Variants in WDR46 observed in about 807,000 individuals in gnomAD.
The protein encoded by WDR46 is WD repeat domain 46, also known as WD repeat-containing protein 46.
In WDR46, 58 loss-of-function variants were observed where a neutral mutation model predicts 74.7. The observed-to-expected ratio is 0.78, with a 90% CI of 0.63 to 0.97. The LOEUF is 0.97. Ranked by LOEUF, WDR46 falls within the 50% of genes least tolerant of loss-of-function variation. The pLI is 0.00. For missense variants in WDR46, 702 were observed against 790.1 expected (o/e 0.89, Z 1.34); for synonymous variants, 278 against 297.3 (o/e 0.93, Z 0.67).
chr6:33,286,993 A>T, intron 9 of WDR46, 98 bp downstream of exon 9: 1 of 1,584,790 alleles, frequency 6.3e-7, no homozygotes, highest in Non-Finnish European at 8.6e-7. Flanking sequence ...ATAACAAAAA[A>T]GGGAAATAAA....
At position 33,288,701 on chromosome 6, in the gene WDR46, G is replaced by A; in HGVS notation, c.280-7C>T. ...CTGGGAATGGATCTTGGGTCTAGGG[G>A]AAAGGAGGACGCAATTAGCAGACAG... On this transcript the variant is annotated splice_region_variant and splice_polypyrimidine_tract_variant and intron_variant, in intron 2 of 14. Coordinates refer to ENST00000374617, the MANE Select transcript of WDR46 (RefSeq NM_005452.6). 6.2e-7 allele frequency: 1 copy of A among 1,613,274 alleles called. No individual in the cohort carries two copies. Among genetic ancestry groups the A allele is most frequent in the Non-Finnish European group, 8.5e-7 (1 of 1,179,504 alleles).
rs200430153 is a variant in WDR46 at position 33,289,173 on chromosome 6, C to A, written c.-3G>T. On this transcript the variant is annotated 5_prime_UTR_variant, in exon 1 of 15. Coordinates refer to ENST00000374617, the MANE Select transcript of WDR46 (RefSeq NM_005452.6). ...CCCGGCTTGGGGGCTGTCTCCATCT[C>A]GCCCACCCGAACGGCGATCCACGTG... The A allele has an allele frequency of 3.7e-6, 6 of 1,609,204 alleles. No individual in the cohort carries two copies. The highest frequency in any genetic ancestry group is 5.1e-6 in the Non-Finnish European group (6 of 1,177,858).
Position 33,288,705 on chromosome 6 carries a change from G to C in WDR46, c.280-11C>G, listed in dbSNP as rs370074258. ...GAATGGATCTTGGGTCTAGGGGAAA[G>C]GAGGACGCAATTAGCAGACAGCCTT... On this transcript the variant is annotated splice_polypyrimidine_tract_variant and intron_variant, in intron 2 of 14. Transcript: ENST00000374617. 588 of 1,613,250 alleles carry C rather than the reference G, an allele frequency of 3.6e-4. 13 individuals are homozygous for C. In the South Asian group the frequency reaches 5.3e-3, roughly 14 times the overall value.
At chr6:33,283,713 A>C (rs1267099229) in intron 10 of WDR46, among the ~76,000 whole-genome samples, 1 of 152,064 alleles carries the variant, frequency 6.6e-6, no homozygotes, top group African/African-American at 2.4e-5. Flanking sequence ...CAGCCAAGCC[A>C]ACATGGCAAA....
chr6:33,282,841 C>T (rs1766303016), intron 10 of WDR46, among the ~76,000 whole-genome samples: 1 of 152,224 alleles, frequency 6.6e-6, no homozygotes, highest in Admixed American at 6.5e-5. Context: ...CTTGGGCAGG[C>T]CTTCTGACTC....
At chr6:33,279,635 T>C (rs975875820) in intron 13 of WDR46, 25 bp from the exon 14 acceptor site, 15 of 1,613,908 alleles carry the variant, frequency 9.3e-6, no homozygotes, top group Non-Finnish European at 1.2e-5. Flanking sequence ...AGGAGTGATA[T>C]CTGTTACAGC....
rs1231436129 is a variant in WDR46 at position 33,287,093 on chromosome 6, T to C, written c.1013A>G (p.Asn338Ser). 2 of 1,613,644 alleles carry C rather than the reference T, an allele frequency of 1.2e-6. No homozygotes were observed. Among genetic ancestry groups the C allele is most frequent in the Non-Finnish European group, 1.7e-6 (2 of 1,179,842 alleles). ...TCAAAACTAAGCCAGGTACTGACCA[T>C]TGCTGTGTCCGAGATGGATGACGGC... ...YNAVIHLGHS[N>S]GTVSLWSPAM... The change falls in exon 9 of 15, where the codon AAT (asparagine) becomes AGT (serine). Residue 338 changes from asparagine (N) to serine (S), a missense_variant and splice_region_variant. Physicochemically the swap from Asn to Ser is conservative, Grantham distance 46. Coordinates refer to ENST00000374617, the MANE Select transcript of WDR46 (RefSeq NM_005452.6).
chr6:33,289,208 T>C lies in WDR46; in HGVS notation c.-38A>G. The C allele has an allele frequency of 6.3e-7, 1 of 1,590,450 alleles. No homozygotes were observed. The highest frequency in any genetic ancestry group is 8.6e-7 in the Non-Finnish European group (1 of 1,169,156). ...AACGGCGATCCACGTGCAAAACTCC[T>C]CTCAGCTGCCACACAGTCGGCTTGA... On this transcript the variant is annotated 5_prime_UTR_variant, in exon 1 of 15. Coordinates refer to ENST00000374617, the MANE Select transcript of WDR46 (RefSeq NM_005452.6).
chr6:33,283,967 G>C (rs1360658422), intron 10 of WDR46, among the ~76,000 whole-genome samples: 1 of 151,908 alleles, frequency 6.6e-6, no homozygotes, highest in Non-Finnish European at 1.5e-5. Context: ...GCCATGGCCG[G>C]GTGCAGTGGC....
rs761809733 is a variant in WDR46, at chr6:33,286,943, G to A, written c.1016-49C>T. On this transcript the variant is annotated intron_variant, in intron 9 of 14. Transcript: ENST00000374617. The stretch of plus-strand genomic sequence containing the variant: ...TTGCTAATACACACCTAAGCCTGAG[G>A]TTACTAAACATGGGAAAGATGGGAA... 5 of 1,602,022 alleles carry A rather than the reference G, an allele frequency of 3.1e-6. No individual in the cohort carries two copies. In the South Asian group the frequency reaches 4.5e-5, roughly 14 times the overall value.
rs1465496435 is a variant in WDR46 at position 33,287,395 on chromosome 6, C to T, written c.839G>A (p.Arg280Gln). Residue 280 changes from arginine (R) to glutamine (Q), a missense_variant, in exon 8 of 15, where the codon CGG (arginine) becomes CAG (glutamine). Physicochemically the swap from Arg to Gln is conservative, Grantham distance 43. Coordinates refer to ENST00000374617, the MANE Select transcript of WDR46 (RefSeq NM_005452.6). ...HCIRRCDRVT[R>Q]LEFLPFHFLL... ...GAAGTGGAAGGGCAGGAACTCAAGCCGTGTTACTCGGTCACAGCGGCGGAT... is the reference window on the plus strand; with the variant it reads ...GAAGTGGAAGGGCAGGAACTCAAGCTGTGTTACTCGGTCACAGCGGCGGAT... 1.3e-5 allele frequency: 21 copies of T among 1,612,072 alleles called. No individual in the cohort carries two copies. Among genetic ancestry groups the T allele is most frequent in the Admixed American group, 1.7e-5 (1 of 59,644 alleles).
Position 33,279,173 on chromosome 6 carries a change from G to A in WDR46, c.*103C>T. 6.6e-7 allele frequency: 1 copy of A among 1,513,502 alleles called. No homozygotes were observed. The highest frequency in any genetic ancestry group is 1.9e-5 in the Admixed American group (1 of 52,312). The allele number at this position is 1,513,502 out of a possible 1,614,324, so 93.8% of individuals were successfully genotyped here. On this transcript the variant is annotated 3_prime_UTR_variant, in exon 15 of 15. Transcript: ENST00000374617. ...GGAGACAGCTGTCCACCCCCAGTTGGGGAAGGGGCCACACTGCCCCCACCT... is the reference window on the plus strand; with the variant it reads ...GGAGACAGCTGTCCACCCCCAGTTGAGGAAGGGGCCACACTGCCCCCACCT...
chr6:33,287,416 C>T lies in WDR46; in HGVS notation c.818G>A (p.Arg273His), dbSNP rs763386101. The part of the protein sequence containing the change: ...DNQGIELHCI[R>H]RCDRVTRLEF... The stretch of plus-strand genomic sequence containing the variant: ...AAGCCGTGTTACTCGGTCACAGCGG[C>T]GGATACAGTGGAGCTCAATGCCCTG... Residue 273 changes from arginine to histidine, a missense_variant, in exon 8 of 15, where the codon CGC becomes CAC. Transcript: ENST00000374617. The T allele has an allele frequency of 8.1e-6, 13 of 1,611,950 alleles. No homozygotes were observed. The highest frequency in any genetic ancestry group is 2.2e-5 in the South Asian group (2 of 90,710).
intron 6 of WDR46, 80 bp from the exon 7 acceptor site, chr6:33,287,798 C>T: frequency 6.4e-7 from 1 of 1,550,852 alleles, no homozygotes; most frequent in Non-Finnish European, 8.9e-7. Flanking sequence ...CCCACGCCAG[C>T]CCCATCTCTC....
Position 33,288,176 on chromosome 6 carries a change from T to A in WDR46, c.533A>T (p.Glu178Val), listed in dbSNP as rs771827593. 2.5e-6 allele frequency: 4 copies of A among 1,614,206 alleles called. No homozygotes were observed. In the South Asian group the frequency reaches 4.4e-5, roughly 18 times the overall value. Reference protein sequence around the residue: ...TAKICQADIVEAVDIASAAKH... With the variant: ...TAKICQADIVVAVDIASAAKH... Reference sequence around the variant, plus strand: ...GGCTGCACTTGCAATGTCCACAGCCTCCACAATGTCAGCCTGGCATATCTT... The same window carrying A: ...GGCTGCACTTGCAATGTCCACAGCCACCACAATGTCAGCCTGGCATATCTT... Residue 178 changes from glutamate to valine, a missense_variant, in exon 5 of 15, where the codon GAG becomes GTG. Transcript: ENST00000374617.
In WDR46 at chr6:33,280,776, T is replaced by C. The variant is rs186499281; in HGVS notation, c.1327A>G (p.Thr443Ala). The change falls in exon 11 of 15, where the codon ACC (threonine) becomes GCC (alanine). Residue 443 changes from threonine (T) to alanine (A), a missense_variant. Physicochemically the swap from Thr to Ala is moderately conservative, Grantham distance 58 (BLOSUM62 0). Coordinates refer to ENST00000374617, the MANE Select transcript of WDR46 (RefSeq NM_005452.6). Reference protein sequence around the residue: ...SPPSLEQPYLTHRLSGPVHGL... With the variant: ...SPPSLEQPYLAHRLSGPVHGL... The stretch of plus-strand genomic sequence containing the variant: ...TGCACAGGGCCTGAGAGCCGGTGGG[T>C]GAGGTAGGGCTGTTCAAGGGAGGGT... 51 of 1,613,830 alleles carry C rather than the reference T, an allele frequency of 3.2e-5. No individual in the cohort carries two copies. The Admixed American group carries it at 8.3e-4, about 26-fold the overall frequency.
intron 10 of WDR46, among the ~76,000 whole-genome samples, chr6:33,281,333 A>C (rs1766165498): frequency 6.6e-6 from 1 of 151,912 alleles, no homozygotes; most frequent in African/African-American, 2.4e-5. Flanking sequence ...GGCTGCACCC[A>C]AATGTGATGT....
At position 33,287,412 on chromosome 6, in the gene WDR46, G is replaced by C; in HGVS notation, c.822C>G (p.Arg274=). The C allele has an allele frequency of 1.2e-6, 2 of 1,612,350 alleles. No individual in the cohort carries two copies. The highest frequency in any genetic ancestry group is 8.5e-7 in the Non-Finnish European group (1 of 1,179,770). ...ACTCAAGCCGTGTTACTCGGTCACAGCGGCGGATACAGTGGAGCTCAATGC... is the reference window on the plus strand; with the variant it reads ...ACTCAAGCCGTGTTACTCGGTCACACCGGCGGATACAGTGGAGCTCAATGC... ...NQGIELHCIR[R]CDRVTRLEFL... is the part of the protein sequence containing the mutation. Residue 274 remains arginine, a synonymous_variant, in exon 8 of 15, where the codon CGC becomes CGG. Coordinates refer to ENST00000374617, the MANE Select transcript of WDR46 (RefSeq NM_005452.6).
intron 10 of WDR46, 91 bp from the exon 11 acceptor site, chr6:33,281,078 A>G: frequency 7.3e-7 from 1 of 1,365,496 alleles, no homozygotes; most frequent in Non-Finnish European, 9.9e-7. Context: ...CTGGCTGGGG[A>G]GAAAAAGATT....
Sources: allele counts gnomAD v4.1 joint callset (sites outside exome capture counted in the v4.1 genomes callset), GRCh38; gene constraint gnomAD v4.1.1; transcripts MANE v1.5; gene names NCBI Gene and HGNC (gene_info 2026-07-23, HGNC 2026-07-21).